Variants in KMT2C observed in about 807,000 individuals in gnomAD.
The protein encoded by KMT2C is lysine methyltransferase 2C.
Under a neutral mutation model 507.9 loss-of-function variants are expected in KMT2C, and 88 were observed. The observed-to-expected ratio is 0.17, with a 90% confidence interval of 0.15 to 0.21. The LOEUF (loss-of-function observed/expected upper bound fraction) is 0.21. Ranked by LOEUF, KMT2C falls within the 10% of genes least tolerant of loss-of-function variation. The pLI, the probability that KMT2C is intolerant of heterozygous loss-of-function variation, is 1.00. For missense variants in KMT2C, 4,954 were observed against 5,957.8 expected, an observed-to-expected ratio of 0.83 and a Z score of 5.55; for synonymous variants, 2,049 against 2,080.8, an observed-to-expected ratio of 0.98 and a Z score of 0.42.
chr7:152,405,261 C>CTTTTTTTTTTTTTTTTTT (rs5888467), intron 1 of KMT2C, among the ~76,000 whole-genome samples: 1 of 151,976 alleles, frequency 6.6e-6, no homozygotes, highest in Non-Finnish European at 1.5e-5. Flanking sequence ...TTTAACTTCA[C>CTTTTTTTTTTTTTTTTTT]TTTTTTTTTT....
rs557103001 is a variant in KMT2C at position 152,395,360 on chromosome 7, C to G, written c.162-36685G>C. Among the ~76,000 whole-genome samples, 302 of 151,838 alleles carry G rather than the reference C, an allele frequency of 2.0e-3. 1 individual carries two copies. The highest frequency in any genetic ancestry group is 6.7e-3 in the African/African-American group (276 of 41,356). ...CCGCACACCTGGCTTTTCTTTCCCC[C>G]CCCCAGTTAGAGACAGTGTCTCACT... On this transcript the variant is annotated intron_variant, in intron 1 of 58. Coordinates refer to ENST00000262189, the MANE Select transcript of KMT2C (RefSeq NM_170606.3).
At chr7:152,333,253 T>A (rs1266782523) in intron 2 of KMT2C, among the ~76,000 whole-genome samples, 2 of 152,042 alleles carry the variant, frequency 1.3e-5, no homozygotes, top group East Asian at 3.9e-4. Context: ...CACCTCAGCC[T>A]CCCAAGCAGC....
intron 23 of KMT2C, among the ~76,000 whole-genome samples, chr7:152,218,326 G>A (rs1160323096): frequency 6.6e-6 from 1 of 151,980 alleles, no homozygotes; most frequent in Non-Finnish European, 1.5e-5. Flanking sequence ...ACCACACCCA[G>A]CTAATTTTTG....
chr7:152,148,446 A>G lies in KMT2C; in HGVS notation c.13481T>C (p.Met4494Thr), dbSNP rs2091347515. 6.2e-7 allele frequency: 1 copy of G among 1,614,278 alleles called. No homozygotes were observed. Among genetic ancestry groups the G allele is most frequent in the Non-Finnish European group, 8.5e-7 (1 of 1,180,052 alleles). ...HFTCAIKAQC[M>T]FFKDKTMLCP... is the part of the protein sequence containing the mutation. ...AAGCATAGTTTTGTCCTTAAAAAAC[A>G]TGCATTGTGCTTTAATGGCGCAAGT... The change falls in exon 52 of 59, where the codon ATG (methionine) becomes ACG (threonine). Residue 4494 changes from methionine to threonine, a missense_variant. Physicochemically the swap from Met to Thr is moderately conservative, Grantham distance 81 (BLOSUM62 -1). Around this residue, in one of 29 missense-constraint regions of KMT2C, gnomAD observed 221 missense variants for 304.7 expected, o/e 0.73. Coordinates refer to ENST00000262189, the MANE Select transcript of KMT2C (RefSeq NM_170606.3). This position sits in a 1 kb window ranked among gnomAD's most constrained non-coding sequence, Gnocchi z 7.1.
intron 13 of KMT2C, 74 bp from the exon 14 acceptor site, chr7:152,248,694 C>T (rs1159303256): frequency 1.2e-6 from 1 of 849,356 alleles, no homozygotes; most frequent in East Asian, 2.6e-5. Flanking sequence ...ATATATAAAA[C>T]ATTTGGCTAC....
chr7:152,138,852 C>A lies in KMT2C; in HGVS notation c.14587G>T (p.Glu4863Ter). The A allele has an allele frequency of 6.2e-7, 1 of 1,613,120 alleles. No homozygotes were observed. Among genetic ancestry groups the A allele is most frequent in the South Asian group, 1.1e-5 (1 of 90,698 alleles). ...PNCVAEVVTF[E>*]RGHKIIISSS... is the part of the protein sequence containing the mutation. ...CTGATGATAATTTTGTGTCCTCTCT[C>A]AAAAGTCACCACTTCAGCCACACAA... The change falls in exon 58 of 59, where the codon GAG becomes TAG. Residue 4863 changes from glutamate (E) to a stop codon, truncating the protein, a stop_gained. Coordinates refer to ENST00000262189, the MANE Select transcript of KMT2C (RefSeq NM_170606.3). LOFTEE classifies it high-confidence loss of function. The surrounding 1 kb of genome is among the most constrained non-coding windows in gnomAD (Gnocchi z 4.2).
Position 152,176,217 on chromosome 7 carries a change from C to T in KMT2C, c.9236G>A (p.Arg3079Gln), listed in dbSNP as rs753846147. 6 of 1,610,096 alleles carry T rather than the reference C, an allele frequency of 3.7e-6. No individual in the cohort carries two copies. Among genetic ancestry groups the T allele is most frequent in the East Asian group, 2.2e-5 (1 of 44,800 alleles). The change falls in exon 38 of 59, where the codon CGA (arginine) becomes CAA (glutamine). Residue 3079 changes from arginine to glutamine, a missense_variant. This residue lies in a region of KMT2C where 1,689 missense variants were observed against 1,654.3 expected (regional missense o/e 1.02). Transcript: ENST00000262189. ...QRQMQAMIRQ[R>Q]SEPFFPNIDF... Reference sequence around the variant, plus strand: ...AATATTAGGGAAGAACGGTTCTGATCGCTGACGAATCATGGCTTGCATCTG... The same window carrying T: ...AATATTAGGGAAGAACGGTTCTGATTGCTGACGAATCATGGCTTGCATCTG...
intron 1 of KMT2C, among the ~76,000 whole-genome samples, chr7:152,379,713 CAG>C (rs2097355494): frequency 6.6e-6 from 1 of 152,222 alleles, no homozygotes; most frequent in Non-Finnish European, 1.5e-5. Context: ...GCCTGTGTGA[CAG>C]AGTAAGACTC....
At chr7:152,280,975 G>T (rs150533367) in intron 6 of KMT2C, among the ~76,000 whole-genome samples, 21 of 152,230 alleles carry the variant, frequency 1.4e-4, no homozygotes, top group East Asian at 1.2e-3. Context: ...TAAAAAAATA[G>T]GAGAGGCAAG....
chr7:152,194,025 C>T lies in KMT2C; in HGVS notation c.4644G>A (p.Leu1548=). The T allele has an allele frequency of 6.4e-7, 1 of 1,570,020 alleles. No homozygotes were observed. The highest frequency in any genetic ancestry group is 1.4e-5 in the African/African-American group (1 of 72,604). ...ATAACATACCCTGATTGTGTATTGG[C>T]AACAGCTGTGTTGGTGGGGGAGGCT... The part of the protein sequence containing the change: ...LPQPPPPTQL[L]PIHNQDAFSR... The change falls in exon 31 of 59, where the codon TTG becomes TTA. Residue 1548 remains leucine, a synonymous_variant. Coordinates refer to ENST00000262189, the MANE Select transcript of KMT2C (RefSeq NM_170606.3).
intron 6 of KMT2C, among the ~76,000 whole-genome samples, chr7:152,276,589 CA>C (rs1404351319): frequency 6.6e-6 from 1 of 151,838 alleles, no homozygotes; most frequent in Non-Finnish European, 1.5e-5. Context: ...TCCATCTCTA[CA>C]AAAAATACAA....
At chr7:152,317,815 G>A (rs777855390) in intron 3 of KMT2C, among the ~76,000 whole-genome samples, 1 of 152,094 alleles carries the variant, frequency 6.6e-6, no homozygotes, top group Non-Finnish European at 1.5e-5. Context: ...AGACCAGCCT[G>A]GGCAACATAG....
At chr7:152,207,477 T>C (rs1336252785) in intron 23 of KMT2C, 49 bp from the exon 24 acceptor site, 16 of 1,496,464 alleles carry the variant, frequency 1.1e-5, no homozygotes, top group Non-Finnish European at 1.5e-5. Flanking sequence ...CTATCAAATA[T>C]ATAATCCCTA....
chr7:152,356,894 AAAGAAT>A (rs1554673243), intron 2 of KMT2C, among the ~76,000 whole-genome samples: 20 of 72,182 alleles, frequency 2.8e-4, no homozygotes, highest in African/African-American at 7.5e-4. Flanking sequence ...TCCAACTCAA[AAAGAAT>A]AATAATAATA....
At chr7:152,266,442 G>A (rs113149934) in intron 7 of KMT2C, among the ~76,000 whole-genome samples, 3 of 151,656 alleles carry the variant, frequency 2.0e-5, no homozygotes, top group Non-Finnish European at 2.9e-5. Flanking sequence ...ACGGTGTTTC[G>A]CCACATTGCC....
intron 14 of KMT2C, among the ~76,000 whole-genome samples, chr7:152,247,597 T>C (rs1397348640): frequency 5.9e-5 from 9 of 152,304 alleles, no homozygotes; most frequent in African/African-American, 2.2e-4. Context: ...AGGCTCTATA[T>C]TTACTGCAGC....
chr7:152,156,149 A>G, intron 45 of KMT2C, 56 bp downstream of exon 45: 2 of 1,602,598 alleles, frequency 1.2e-6, no homozygotes, highest in Non-Finnish European at 8.5e-7. Flanking sequence ...TTCACAATAC[A>G]CAACTGGCAG....
intron 26 of KMT2C, among the ~76,000 whole-genome samples, chr7:152,200,409 G>C (rs1440161884): frequency 1.3e-5 from 2 of 152,094 alleles, no homozygotes; most frequent in Non-Finnish European, 1.5e-5. Flanking sequence ...CTAAAAGAAA[G>C]TAAGTTGAAT....
chr7:152,316,153 A>C (rs2096720896), intron 3 of KMT2C, among the ~76,000 whole-genome samples: 1 of 152,172 alleles, frequency 6.6e-6, no homozygotes, highest in African/African-American at 2.4e-5. Flanking sequence ...AGAAGAGCTG[A>C]ACTGGAAGAA....
Sources: gnomAD v4.1 joint callset for allele counts (sites outside exome capture counted in the v4.1 genomes callset) on GRCh38, gnomAD v4.1.1 for gene constraint, gnomAD v4.1.1 regional missense constraint, Gnocchi (gnomAD v3.1) non-coding constraint, MANE v1.5 for transcripts, NCBI Gene and HGNC (gene_info 2026-07-23, HGNC 2026-07-21) for gene names.